Variants in PAMR1 observed in about 807,000 individuals in gnomAD.
PAMR1 encodes the protein inactive serine protease PAMR1.
PAMR1 carries 88 observed loss-of-function variants against 81.8 expected under a neutral mutation model. The ratio of observed to expected loss-of-function variants is 1.08; its 90% CI spans 0.91 to 1.28. PAMR1 has a LOEUF of 1.28. Among genes scored for constraint, PAMR1 ranks in the 50% most tolerant of loss-of-function variants. PAMR1 has a pLI of 0.00. For missense variants in PAMR1, 935 were observed against 919.7 expected (o/e 1.02, Z -0.21); for synonymous variants, 336 against 345.3 (o/e 0.97, Z 0.30).
At chr11:35,512,531 G>A (rs558767725) in intron 1 of PAMR1, among the ~76,000 whole-genome samples, 1 of 152,144 alleles carries the variant, frequency 6.6e-6, no homozygotes. Flanking sequence ...AGCAGCATTG[G>A]TGAGTAGAAA....
chr11:35,460,306 CTCTT>C (rs774323499), intron 6 of PAMR1, among the ~76,000 whole-genome samples: 44 of 151,462 alleles, frequency 2.9e-4, no homozygotes, highest in Non-Finnish European at 5.7e-4. Context: ...TTGTATCCTC[CTCTT>C]TCTTTTTTTT....
intron 3 of PAMR1, among the ~76,000 whole-genome samples, chr11:35,485,238 C>A (rs1175761370): frequency 1.3e-5 from 2 of 152,070 alleles, no homozygotes; most frequent in Non-Finnish European, 2.9e-5. Flanking sequence ...ATTATGATAA[C>A]ACTATGAAAC....
At chr11:35,514,410 T>A (rs1851127108) in intron 1 of PAMR1, among the ~76,000 whole-genome samples, 1 of 152,238 alleles carries the variant, frequency 6.6e-6, no homozygotes, top group South Asian at 2.1e-4. Context: ...CCACTTGCTT[T>A]TACATTTCCT....
intron 1 of PAMR1, among the ~76,000 whole-genome samples, chr11:35,524,182 T>C (rs1169260093): frequency 1.3e-5 from 2 of 152,148 alleles, no homozygotes; most frequent in East Asian, 1.9e-4. Context: ...TTTAGGTTTA[T>C]GGATTGTCAG....
chr11:35,502,642 TC>T (rs750323022), intron 1 of PAMR1, among the ~76,000 whole-genome samples: 13 of 152,222 alleles, frequency 8.5e-5, no homozygotes, highest in South Asian at 4.1e-4. Flanking sequence ...TACCACATTT[TC>T]TTTGTCCAGT....
chr11:35,451,948 A>G (rs1856427628), intron 6 of PAMR1: 2 of 689,618 alleles, frequency 2.9e-6, no homozygotes, highest in Non-Finnish European at 5.3e-6. Context: ...ACTGTGAGAA[A>G]TAAATGTTTG....
chr11:35,524,972 T>G (rs1282125389), intron 1 of PAMR1, among the ~76,000 whole-genome samples: 4 of 152,222 alleles, frequency 2.6e-5, no homozygotes, highest in Admixed American at 6.5e-5. Flanking sequence ...TGTCTATATA[T>G]GCTGAGTGAG....
intron 4 of PAMR1, 79 bp from the exon 5 acceptor site, chr11:35,470,897 A>ATCTGGCCT: frequency 1.0e-6 from 1 of 960,668 alleles, no homozygotes; most frequent in Non-Finnish European, 1.7e-6. Flanking sequence ...TCAAGGCCAG[A>ATCTGGCCT]TGAGGAACAG....
chr11:35,441,489 C>T lies in PAMR1; in HGVS notation c.1025G>A (p.Cys342Tyr), dbSNP rs1309029501. 2 of 1,609,758 alleles carry T rather than the reference C, an allele frequency of 1.2e-6. No individual in the cohort carries two copies. The highest frequency in any genetic ancestry group is 2.2e-5 in the South Asian group (2 of 90,938). ...AAACAATTGTAAGTTACCTTTTATG[C>T]AGATGGGCTGTTTCCCTGACCACTC... ...NGEWSGKQPICIKACREPKIS... is the reference protein window; with the variant it reads ...NGEWSGKQPIYIKACREPKIS... The change falls in exon 7 of 11, where the codon TGC becomes TAC. Residue 342 changes from cysteine (C) to tyrosine (Y), a missense_variant. Cys to Tyr is a radical substitution (Grantham distance 194, BLOSUM62 -2). Transcript: ENST00000619888.
At chr11:35,529,381 A>C (rs1018943308), upstream of PAMR1, among the ~76,000 whole-genome samples, 2 of 152,210 alleles carry the variant, frequency 1.3e-5, no homozygotes, top group Non-Finnish European at 2.9e-5. Context: ...GAATATATAC[A>C]ATCATTGAGT....
intron 3 of PAMR1, among the ~76,000 whole-genome samples, chr11:35,482,808 G>A (rs889378121): frequency 6.6e-6 from 1 of 152,158 alleles, no homozygotes; most frequent in African/African-American, 2.4e-5. Flanking sequence ...TTGTGAATGG[G>A]AGTTCATTCA....
intron 3 of PAMR1, among the ~76,000 whole-genome samples, chr11:35,479,050 T>C (rs975116043): frequency 7.2e-5 from 11 of 152,128 alleles, no homozygotes; most frequent in African/African-American, 2.7e-4. Flanking sequence ...GAAAAGGCTC[T>C]CAACAAAAAT....
At chr11:35,441,073 AG>A (rs1429845355) in intron 7 of PAMR1, among the ~76,000 whole-genome samples, 1 of 152,196 alleles carries the variant, frequency 6.6e-6, no homozygotes, top group Non-Finnish European at 1.5e-5. Context: ...ATAGGCTGGC[AG>A]GGATGATGTG....
intron 6 of PAMR1, among the ~76,000 whole-genome samples, chr11:35,463,259 C>T (rs1489312228): frequency 6.6e-6 from 1 of 152,214 alleles, no homozygotes. Flanking sequence ...TGGGAACCTT[C>T]AGAGACTCCA....
intron 3 of PAMR1, among the ~76,000 whole-genome samples, chr11:35,482,530 G>A (rs972136147): frequency 1.3e-5 from 2 of 152,022 alleles, no homozygotes; most frequent in Non-Finnish European, 2.9e-5. Flanking sequence ...TTCTTTTTTG[G>A]TTCTATATGG....
intron 2 of PAMR1, among the ~76,000 whole-genome samples, chr11:35,493,642 A>T (rs1304673034): frequency 3.3e-5 from 5 of 152,048 alleles, no homozygotes; most frequent in Admixed American, 6.5e-5. Context: ...CACCTTCTCT[A>T]GTAAGTCTTC....
At chr11:35,529,488 C>A (rs1418616772), upstream of PAMR1, among the ~76,000 whole-genome samples, 5 of 152,188 alleles carry the variant, frequency 3.3e-5, no homozygotes, top group African/African-American at 1.2e-4. Context: ...TTGCTCTGGA[C>A]CATACTGACT....
intron 6 of PAMR1, among the ~76,000 whole-genome samples, chr11:35,442,511 C>CA (rs1377019507): frequency 1.3e-5 from 2 of 152,184 alleles, no homozygotes; most frequent in Admixed American, 1.3e-4. Flanking sequence ...GCCGAGCTCC[C>CA]ATAGAATTCA....
At chr11:35,512,031 C>T (rs1293328510) in intron 1 of PAMR1, among the ~76,000 whole-genome samples, 6 of 152,226 alleles carry the variant, frequency 3.9e-5, no homozygotes, top group Non-Finnish European at 8.8e-5. Flanking sequence ...TTCCTTCTCA[C>T]AGCTGCTCCT....
Sources: allele counts gnomAD v4.1 joint callset (sites outside exome capture counted in the v4.1 genomes callset), GRCh38; gene constraint gnomAD v4.1.1; transcripts MANE v1.5; gene names NCBI Gene and HGNC (gene_info 2026-07-23, HGNC 2026-07-21).